ZNF407: variants seen among roughly 807,000 people sequenced by gnomAD.
The protein encoded by ZNF407 is zinc finger protein 407.
In ZNF407, 17 loss-of-function variants were observed where a neutral mutation model predicts 131.2. That is an observed-to-expected ratio of 0.13 (90% confidence interval 0.09 to 0.19). The LOEUF (loss-of-function observed/expected upper bound fraction) is 0.19. ZNF407 is among the 10% of genes least tolerant of loss of function. ZNF407 has a pLI of 1.00. For missense variants in ZNF407, 2,681 were observed against 2,830.6 expected, an observed-to-expected ratio of 0.95 and a Z score of 1.20; for synonymous variants, 1,156 against 1,062.0, an observed-to-expected ratio of 1.09 and a Z score of -1.72.
At position 74,633,641 on chromosome 18, in the gene ZNF407, T is replaced by G; in HGVS notation, c.2622T>G (p.Ser874Arg). The G allele has an allele frequency of 6.2e-7, 1 of 1,613,990 alleles. No homozygotes were observed. The highest frequency in any genetic ancestry group is 8.5e-7 in the Non-Finnish European group (1 of 1,179,876). The change falls in exon 2 of 9, where the codon AGT becomes AGG. Residue 874 changes from serine (S) to arginine (R), a missense_variant. Ser to Arg is a moderately radical substitution (Grantham distance 110). This residue lies in a region of ZNF407 where 1,789 missense variants were observed against 1,748.7 expected (regional missense o/e 1.02). Transcript: ENST00000299687. ...CTGTTCACATTAGACGAAAACACAG[T>G]CACCAGTATAGTTATTTATGCAAAG... Reference protein sequence around the residue: ...NLTVHIRRKHSHQYSYLCKVC... With the variant: ...NLTVHIRRKHRHQYSYLCKVC...
intron 3 of ZNF407, among the ~76,000 whole-genome samples, chr18:74,691,171 C>T (rs1394621779): frequency 3.3e-5 from 5 of 151,710 alleles, no homozygotes; most frequent in Admixed American, 1.3e-4. Flanking sequence ...CCCAGCTACT[C>T]GGGAGGCTGA....
At chr18:74,627,161 C>T (rs928084639) in intron 1 of ZNF407, among the ~76,000 whole-genome samples, 4 of 152,062 alleles carry the variant, frequency 2.6e-5, no homozygotes, top group Admixed American at 1.3e-4. Context: ...TACTTTTTTT[C>T]AGTTGTTTCA....
chr18:75,060,833 C>A (rs749178219), intron 8 of ZNF407, among the ~76,000 whole-genome samples: 2 of 152,234 alleles, frequency 1.3e-5, no homozygotes, highest in Non-Finnish European at 2.9e-5. Flanking sequence ...AAATTCCATA[C>A]CCTTTCTAAG....
chr18:74,821,990 T>G (rs909936616), intron 4 of ZNF407, among the ~76,000 whole-genome samples: 1 of 152,248 alleles, frequency 6.6e-6, no homozygotes, highest in Non-Finnish European at 1.5e-5. Flanking sequence ...GGTACCTCAT[T>G]GTGGTTTTGA....
At chr18:74,647,457 T>G (rs1367969214) in intron 3 of ZNF407, among the ~76,000 whole-genome samples, 1 of 152,048 alleles carries the variant, frequency 6.6e-6, no homozygotes, top group African/African-American at 2.4e-5. Flanking sequence ...AAAAAAAATC[T>G]TCTTGTAGAG....
rs766353143 is a variant in ZNF407 at position 74,631,194 on chromosome 18, T to A, written c.175T>A (p.Ser59Thr). ...AAGAGGTTTTTCAGAATCATCGAAC[T>A]CTGATAGTGTTGTTATAGGAGAAGA... The part of the protein sequence containing the change: ...GKRGFSESSN[S>T]DSVVIGEDRN... Residue 59 changes from serine to threonine, a missense_variant, in exon 2 of 9, where the codon TCT becomes ACT. Ser to Thr is a moderately conservative substitution (Grantham distance 58). Transcript: ENST00000299687. 5.0e-6 allele frequency: 8 copies of A among 1,613,924 alleles called. No homozygotes were observed. Among genetic ancestry groups the A allele is most frequent in the Non-Finnish European group, 5.9e-6 (7 of 1,179,910 alleles).
chr18:74,704,908 C>T (rs564357304), intron 3 of ZNF407, among the ~76,000 whole-genome samples: 1 of 152,170 alleles, frequency 6.6e-6, no homozygotes, highest in Non-Finnish European at 1.5e-5. Flanking sequence ...AAATATGTCT[C>T]ATTAATAGTA....
At chr18:75,059,335 G>T (rs1973597900) in intron 8 of ZNF407, among the ~76,000 whole-genome samples, 1 of 152,214 alleles carries the variant, frequency 6.6e-6, no homozygotes, top group East Asian at 1.9e-4. Context: ...TACTGAAGAA[G>T]AGGATGTTTG....
chr18:74,625,777 A>G (rs1983760840), intron 1 of ZNF407, among the ~76,000 whole-genome samples: 1 of 152,192 alleles, frequency 6.6e-6, no homozygotes. Flanking sequence ...GATATTAGAC[A>G]TTTCTTATAT....
rs577131350 is a variant in ZNF407, at chr18:75,012,148, C to T, written c.5429-51002C>T. Among the ~76,000 whole-genome samples, 10 of 152,212 alleles carry T rather than the reference C, an allele frequency of 6.6e-5. No homozygotes were observed. The East Asian group carries it at 1.2e-3, about 18-fold the overall frequency. Reference sequence around the variant, plus strand: ...TGAGCTGTCACATTGTAGAATGTATCGTCAATACATTCTGTTTATGGTGTC... The same window carrying T: ...TGAGCTGTCACATTGTAGAATGTATTGTCAATACATTCTGTTTATGGTGTC... On this transcript the variant is annotated intron_variant, in intron 8 of 8. Transcript: ENST00000299687.
chr18:74,743,609 A>G (rs1015703865), intron 3 of ZNF407, among the ~76,000 whole-genome samples: 1 of 152,142 alleles, frequency 6.6e-6, no homozygotes, highest in Non-Finnish European at 1.5e-5. Context: ...ATGTTTTAAG[A>G]TCTGTGAAGT....
Position 74,719,385 on chromosome 18 carries a change from GCTTACTTA to G in ZNF407, c.4803-62026_4803-62019del, listed in dbSNP as rs36159311. Among the ~76,000 whole-genome samples, 657 of 150,890 alleles carry G rather than the reference GCTTACTTA, an allele frequency of 4.4e-3. 6 individuals carry two copies. The highest frequency in any genetic ancestry group is 0.034 in the South Asian group (163 of 4,748). ...CCTCTGTTCTACTTTTTACTTGCTT[GCTTACTTA>G]CTTACTTACTTACTTATTTATTTAG... On this transcript the variant is annotated intron_variant, in intron 3 of 8. Transcript: ENST00000299687.
chr18:74,736,476 G>A (rs1051369611), intron 3 of ZNF407, among the ~76,000 whole-genome samples: 3 of 152,146 alleles, frequency 2.0e-5, no homozygotes, highest in African/African-American at 7.2e-5. Flanking sequence ...TTATTACCTA[G>A]TGGGCTTCAT....
intron 4 of ZNF407, among the ~76,000 whole-genome samples, chr18:74,837,420 T>C (rs2145126428): frequency 6.6e-6 from 1 of 152,074 alleles, no homozygotes; most frequent in Non-Finnish European, 1.5e-5. Flanking sequence ...AAAAATCCAA[T>C]ACTAGATGTG....
intron 1 of ZNF407, among the ~76,000 whole-genome samples, chr18:74,612,694 A>G (rs1427710356): frequency 6.6e-6 from 1 of 152,218 alleles, no homozygotes; most frequent in Non-Finnish European, 1.5e-5. Flanking sequence ...ATGCCATTAA[A>G]TGAATGAAGA....
intron 3 of ZNF407, among the ~76,000 whole-genome samples, chr18:74,651,955 T>C (rs1308480057): frequency 6.6e-6 from 1 of 152,150 alleles, no homozygotes; most frequent in Non-Finnish European, 1.5e-5. Flanking sequence ...GCTGTGTCTA[T>C]ACTGAGTACA....
chr18:74,836,743 C>G (rs1167330879), intron 4 of ZNF407, among the ~76,000 whole-genome samples: 1 of 152,110 alleles, frequency 6.6e-6, no homozygotes, highest in Non-Finnish European at 1.5e-5. Context: ...TTGTGGAATG[C>G]TTTATTTCAT....
intron 8 of ZNF407, among the ~76,000 whole-genome samples, chr18:75,004,815 T>C (rs1972888906): frequency 6.6e-6 from 1 of 152,228 alleles, no homozygotes; most frequent in South Asian, 2.1e-4. Flanking sequence ...TTCAAAGTAG[T>C]CCCAAGTGCT....
intron 7 of ZNF407, among the ~76,000 whole-genome samples, chr18:74,899,782 C>T (rs1971498939): frequency 1.3e-5 from 2 of 152,170 alleles, no homozygotes; most frequent in South Asian, 4.1e-4. Flanking sequence ...TAGGAGAGTG[C>T]AGCCCGCCAG....
Sources: allele counts gnomAD v4.1 joint callset (sites outside exome capture counted in the v4.1 genomes callset), GRCh38; gene constraint gnomAD v4.1.1; regional missense constraint gnomAD v4.1.1; transcripts MANE v1.5; gene names NCBI Gene and HGNC (gene_info 2026-07-23, HGNC 2026-07-21).